ZNF438: variants seen among roughly 807,000 people sequenced by gnomAD.
The protein encoded by ZNF438 is zinc finger protein 438.
A neutral mutation model predicts 38.0 loss-of-function variants in ZNF438; 25 were observed. The observed-to-expected ratio is 0.66, with a 90% CI of 0.48 to 0.92. The LOEUF (loss-of-function observed/expected upper bound fraction) is 0.92, where lower values mean the gene tolerates loss of function less well. ZNF438 is among the 40% of genes least tolerant of loss of function. ZNF438 has a pLI of 0.00. For synonymous variants in ZNF438, 372 were observed against 364.1 expected, an observed-to-expected ratio of 1.02 and a Z score of -0.25; for missense variants, 1,007 against 999.6, an observed-to-expected ratio of 1.01 and a Z score of -0.10.
intron 1 of ZNF438, among the ~76,000 whole-genome samples, chr10:30,969,801 C>A (rs2050544791): frequency 6.6e-6 from 1 of 151,724 alleles, no homozygotes; most frequent in African/African-American, 2.4e-5. Flanking sequence ...AAAACCAAAA[C>A]CAAACCAAAG....
intron 3 of ZNF438, among the ~76,000 whole-genome samples, chr10:30,881,080 G>C (rs1416883412): frequency 6.6e-6 from 1 of 152,172 alleles, no homozygotes; most frequent in African/African-American, 2.4e-5. Context: ...TCACAAACAA[G>C]AGAAGGATAT....
chr10:31,015,480 C>G (rs527762583), intron 1 of ZNF438, among the ~76,000 whole-genome samples: 1 of 152,140 alleles, frequency 6.6e-6, no homozygotes, highest in South Asian at 2.1e-4. Flanking sequence ...CCCGTCTCTA[C>G]TAAAAATACA....
At chr10:30,906,000 T>C (rs574400653) in intron 3 of ZNF438, among the ~76,000 whole-genome samples, 1 of 152,314 alleles carries the variant, frequency 6.6e-6, no homozygotes, top group African/African-American at 2.4e-5. Context: ...AATGGGGAGT[T>C]TTCAAACTTT....
intron 2 of ZNF438, among the ~76,000 whole-genome samples, chr10:30,922,761 A>G (rs1260042572): frequency 2.0e-5 from 3 of 151,870 alleles, no homozygotes; most frequent in African/African-American, 7.3e-5. Context: ...CTTGAACCAG[A>G]GAGGTGGAAG....
intron 2 of ZNF438, among the ~76,000 whole-genome samples, chr10:30,917,432 T>C (rs1383088792): frequency 1.3e-5 from 2 of 152,158 alleles, no homozygotes; most frequent in African/African-American, 4.8e-5. Context: ...AACTGCCAGA[T>C]CTTTTTCCTC....
chr10:30,874,627 T>C (rs1432395345), intron 4 of ZNF438, among the ~76,000 whole-genome samples: 1 of 152,182 alleles, frequency 6.6e-6, no homozygotes, highest in Non-Finnish European at 1.5e-5. Flanking sequence ...TTTTTCCTTA[T>C]TGATGTAATT....
intron 4 of ZNF438, among the ~76,000 whole-genome samples, chr10:30,856,655 A>G (rs2133010766): frequency 6.6e-6 from 1 of 152,340 alleles, no homozygotes; most frequent in East Asian, 1.9e-4. Flanking sequence ...ACTGACATTC[A>G]TAATTTCTGG....
At chr10:30,983,205 C>G (rs529903644) in intron 1 of ZNF438, among the ~76,000 whole-genome samples, 1 of 152,190 alleles carries the variant, frequency 6.6e-6, no homozygotes, top group African/African-American at 2.4e-5. Context: ...TAACCAAGTA[C>G]GAGGAGATGT....
chr10:31,020,798 T>C (rs1305659314), intron 1 of ZNF438, among the ~76,000 whole-genome samples: 2 of 151,376 alleles, frequency 1.3e-5, no homozygotes, highest in East Asian at 3.9e-4. Flanking sequence ...TTATAATATA[T>C]TAACTATAGT....
At chr10:30,943,655 T>C (rs1005329772) in intron 1 of ZNF438, among the ~76,000 whole-genome samples, 11 of 152,128 alleles carry the variant, frequency 7.2e-5, no homozygotes, top group African/African-American at 1.9e-4. Context: ...GGTGACATCA[T>C]TGAAGAATTT....
At chr10:30,946,717 T>A (rs1315167680) in intron 1 of ZNF438, among the ~76,000 whole-genome samples, 1 of 152,250 alleles carries the variant, frequency 6.6e-6, no homozygotes, top group Non-Finnish European at 1.5e-5. Context: ...TTAAACTTAA[T>A]GTAATTATTT....
chr10:31,029,526 G>C (rs952524462), intron 1 of ZNF438, among the ~76,000 whole-genome samples: 1 of 151,930 alleles, frequency 6.6e-6, no homozygotes, highest in Non-Finnish European at 1.5e-5. Context: ...CCTTCAAAAC[G>C]TATCACCAAT....
At chr10:31,015,270 T>C (rs2056104406) in intron 1 of ZNF438, among the ~76,000 whole-genome samples, 1 of 152,180 alleles carries the variant, frequency 6.6e-6, no homozygotes, top group Non-Finnish European at 1.5e-5. Flanking sequence ...GTTTCTGTCA[T>C]TATTACCAGT....
At chr10:31,019,450 T>G (rs1446633348) in intron 1 of ZNF438, among the ~76,000 whole-genome samples, 1 of 152,150 alleles carries the variant, frequency 6.6e-6, no homozygotes, top group Non-Finnish European at 1.5e-5. Flanking sequence ...AGCATAAACA[T>G]GGAAAAATTT....
intron 1 of ZNF438, among the ~76,000 whole-genome samples, chr10:30,943,646 G>A (rs912665957): frequency 6.6e-6 from 1 of 152,100 alleles, no homozygotes; most frequent in African/African-American, 2.4e-5. Flanking sequence ...AAGCCTGGTG[G>A]TGACATCATT....
intron 2 of ZNF438, among the ~76,000 whole-genome samples, chr10:30,935,544 A>T (rs916857657): frequency 6.6e-6 from 1 of 152,226 alleles, no homozygotes; most frequent in African/African-American, 2.4e-5. Flanking sequence ...ATCTGCGCCC[A>T]TGACTCAAAC....
chr10:30,904,171 T>C (rs2042343776), intron 3 of ZNF438, among the ~76,000 whole-genome samples: 1 of 152,254 alleles, frequency 6.6e-6, no homozygotes, highest in Non-Finnish European at 1.5e-5. Context: ...GTATTATATG[T>C]GACTGCCTTG....
At chr10:30,937,910 C>G (rs536986150) in intron 2 of ZNF438, among the ~76,000 whole-genome samples, 2 of 152,286 alleles carry the variant, frequency 1.3e-5, no homozygotes, top group African/African-American at 4.8e-5. Flanking sequence ...GGCTCAACTC[C>G]TCAGGAGGGC....
upstream of ZNF438, chr10:31,032,021 C>T (rs945221581): frequency 1.3e-5 from 2 of 152,124 alleles, no homozygotes; most frequent in South Asian, 2.1e-4. Flanking sequence ...AGCAGACACC[C>T]CGCGCAGGCG....
Sources: allele counts gnomAD v4.1 joint callset (sites outside exome capture counted in the v4.1 genomes callset), GRCh38; gene constraint gnomAD v4.1.1; transcripts MANE v1.5; gene names NCBI Gene and HGNC (gene_info 2026-07-23, HGNC 2026-07-21).